The following DYNC2I1 variants were observed in gnomAD, a reference collection of about 807,000 sequenced individuals.
DYNC2I1 encodes the protein dynein 2 intermediate chain 1.
In DYNC2I1, 89 loss-of-function variants were observed where a neutral mutation model predicts 133.4. That is an observed-to-expected ratio of 0.67 (90% CI 0.56 to 0.80). DYNC2I1 has a LOEUF of 0.80. DYNC2I1 is among the 30% of genes least tolerant of loss of function. The pLI is 0.00. For synonymous variants in DYNC2I1, 504 were observed against 484.3 expected (o/e 1.04, Z -0.54); for missense variants, 1,291 against 1,314.5 (o/e 0.98, Z 0.28).
chr7:158,849,346 T>C, the DYNC2I1 span, among the ~76,000 whole-genome samples: 1 of 152,258 alleles, frequency 6.6e-6, no homozygotes, highest in Non-Finnish European at 1.5e-5. Context: ...TATCTAGAAC[T>C]ATCAAACTGA....
intron 23 of DYNC2I1, among the ~76,000 whole-genome samples, chr7:158,941,723 G>A (rs1212086832): frequency 1.3e-5 from 2 of 152,116 alleles, no homozygotes; most frequent in Non-Finnish European, 1.5e-5. Flanking sequence ...CTCTACGAAC[G>A]ATATAAAAGG....
At chr7:158,843,919 A>G in the DYNC2I1 span, among the ~76,000 whole-genome samples, 146 of 152,224 alleles carry the variant, frequency 9.6e-4, no homozygotes, top group African/African-American at 3.1e-3. Context: ...AAAGGAAGGA[A>G]AAAGGAGAGA....
chr7:158,955,868 G>A (rs954918518), intron 4 of DYNC2I1, among the ~76,000 whole-genome samples: 11 of 152,254 alleles, frequency 7.2e-5, no homozygotes, highest in East Asian at 1.9e-4. Flanking sequence ...GGGATGGGAA[G>A]GTCAAAGGCA....
At chr7:158,871,092 T>C in intron 2 of DYNC2I1, 50 bp from the exon 3 acceptor site, 4 of 1,555,622 alleles carry the variant, frequency 2.6e-6, no homozygotes, top group Non-Finnish European at 3.5e-6. Context: ...AAAAGTCTAA[T>C]GGAAATCTGC....
chr7:158,947,350 A>T (rs1236242903), downstream of DYNC2I1, among the ~76,000 whole-genome samples: 2 of 152,176 alleles, frequency 1.3e-5, no homozygotes, highest in Non-Finnish European at 2.9e-5. Flanking sequence ...TTGGTCTAGA[A>T]GTTTTGAGAC....
the DYNC2I1 span, among the ~76,000 whole-genome samples, chr7:158,839,944 CT>C: frequency 6.6e-6 from 1 of 151,988 alleles, no homozygotes; most frequent in Non-Finnish European, 1.5e-5. Flanking sequence ...TCCTGAGCAG[CT>C]GAACTACAGG....
At chr7:158,855,083 C>T (rs1360397831), upstream of DYNC2I1, among the ~76,000 whole-genome samples, 1 of 152,246 alleles carries the variant, frequency 6.6e-6, no homozygotes, top group Non-Finnish European at 1.5e-5. Context: ...GCTGCCTAGA[C>T]AGAGCCTATC....
intron 20 of DYNC2I1, among the ~76,000 whole-genome samples, chr7:158,927,489 A>G (rs1849743136): frequency 6.6e-6 from 1 of 152,100 alleles, no homozygotes; most frequent in African/African-American, 2.4e-5. Context: ...GGTGTATGTC[A>G]TATAACCTTA....
chr7:158,918,828 A>G lies in DYNC2I1; in HGVS notation c.1880A>G (p.Asp627Gly). ...RAQDRALYFS[D>G]SSSQLNTSLP... ...CAAGACAGGGCCCTGTATTTTAGTG[A>G]CAGCTCATCTCAGCTGAACACCAGT... Residue 627 changes from aspartate (D) to glycine (G), a missense_variant, in exon 15 of 25, where the codon GAC becomes GGC. Coordinates refer to ENST00000407559, the MANE Select transcript of DYNC2I1 (RefSeq NM_018051.5). 1.9e-6 allele frequency: 3 copies of G among 1,613,890 alleles called. No homozygotes were observed. The highest frequency in any genetic ancestry group is 2.5e-6 in the Non-Finnish European group (3 of 1,179,840).
chr7:158,892,083 G>C lies in DYNC2I1; in HGVS notation c.1059+750G>C, dbSNP rs1429115925. ...AGTGTGGTTCTAGCTCTGCACAGAAGTGACGGTGTCTGCTGCGTACTCCAC... is the reference window on the plus strand; with the variant it reads ...AGTGTGGTTCTAGCTCTGCACAGAACTGACGGTGTCTGCTGCGTACTCCAC... On this transcript the variant is annotated intron_variant, in intron 8 of 24. Coordinates refer to ENST00000407559, the MANE Select transcript of DYNC2I1 (RefSeq NM_018051.5). Among the ~76,000 whole-genome samples, 18 of 152,322 alleles carry C rather than the reference G, an allele frequency of 1.2e-4. No individual in the cohort carries two copies. The South Asian group carries it at 3.5e-3, about 30-fold the overall frequency.
At chr7:158,904,846 C>G in intron 10 of DYNC2I1, 1 of 229,756 alleles carries the variant, frequency 4.4e-6, no homozygotes. Flanking sequence ...CAGAGCCACA[C>G]CCTCTGCATT....
chr7:158,880,722 A>C (rs1247001629), intron 5 of DYNC2I1, among the ~76,000 whole-genome samples: 2 of 152,198 alleles, frequency 1.3e-5, no homozygotes, highest in Non-Finnish European at 2.9e-5. Context: ...TTGATTGCAG[A>C]GGGTCTAATT....
At chr7:158,885,785 A>G (rs1393413975) in intron 6 of DYNC2I1, among the ~76,000 whole-genome samples, 5 of 152,204 alleles carry the variant, frequency 3.3e-5, no homozygotes, top group Non-Finnish European at 5.9e-5. Context: ...ACTTAAACCT[A>G]GGGTGTCAAT....
downstream of DYNC2I1, among the ~76,000 whole-genome samples, chr7:158,950,987 A>G (rs1852038248): frequency 1.3e-5 from 2 of 152,202 alleles, no homozygotes; most frequent in African/African-American, 2.4e-5. Flanking sequence ...TGGCCTATAT[A>G]TGATTCCAGT....
intron 3 of DYNC2I1, among the ~76,000 whole-genome samples, chr7:158,873,127 GTTTTA>G (rs1401206868): frequency 6.6e-6 from 1 of 152,032 alleles, no homozygotes; most frequent in African/African-American, 2.4e-5. Context: ...CTAAAAGTGT[GTTTTA>G]TTTTATTTAG....
At chr7:158,908,672 T>G (rs1847080817) in intron 11 of DYNC2I1, among the ~76,000 whole-genome samples, 1 of 152,192 alleles carries the variant, frequency 6.6e-6, no homozygotes, top group Non-Finnish European at 1.5e-5. Flanking sequence ...TTGGAAGAGC[T>G]GAGCTTCAGC....
chr7:158,915,970 A>T, intron 14 of DYNC2I1, among the ~76,000 whole-genome samples: 1 of 134,804 alleles, frequency 7.4e-6, no homozygotes, highest in Admixed American at 7.2e-5. Context: ...GGTTGACATT[A>T]AGGATGATTG....
chr7:158,841,192 TA>T, the DYNC2I1 span, among the ~76,000 whole-genome samples: 16 of 95,494 alleles, frequency 1.7e-4, no homozygotes, highest in African/African-American at 5.6e-4. Flanking sequence ...TATATATATA[TA>T]TATATATATA....
intron 12 of DYNC2I1, 59 bp from the exon 13 acceptor site, chr7:158,912,926 A>G (rs1563155855): frequency 3.3e-6 from 4 of 1,216,680 alleles, no homozygotes; most frequent in East Asian, 2.5e-5. Flanking sequence ...TATTTCAGTA[A>G]TGACAGATTG....
Sources: allele counts gnomAD v4.1 joint callset (sites outside exome capture counted in the v4.1 genomes callset), GRCh38; gene constraint gnomAD v4.1.1; transcripts MANE v1.5; gene names NCBI Gene and HGNC (gene_info 2026-07-23, HGNC 2026-07-21).